The following GFRAL variants were observed in gnomAD, a reference collection of about 807,000 sequenced individuals.
GFRAL encodes the protein GDNF family receptor alpha like.
Under a neutral mutation model 45.4 loss-of-function variants are expected in GFRAL, and 36 were observed. The ratio of observed to expected loss-of-function variants is 0.79; its 90% CI spans 0.61 to 1.05. The LOEUF (loss-of-function observed/expected upper bound fraction) is 1.05. Among genes scored for constraint, GFRAL ranks in the 50% least tolerant of loss-of-function variants. The pLI, the probability that GFRAL is intolerant of heterozygous loss-of-function variation, is 0.00. For missense variants in GFRAL, 507 were observed against 467.5 expected, an observed-to-expected ratio of 1.08 and a Z score of -0.78; for synonymous variants, 166 against 154.1, an observed-to-expected ratio of 1.08 and a Z score of -0.57.
intron 6 of GFRAL, among the ~76,000 whole-genome samples, chr6:55,363,189 C>A (rs1768301336): frequency 1.3e-5 from 2 of 151,788 alleles, no homozygotes; most frequent in Admixed American, 1.3e-4. Flanking sequence ...AGAAATAATC[C>A]CATTCTCAAG....
At chr6:55,400,713 A>G (rs1251457969) in intron 8 of GFRAL, among the ~76,000 whole-genome samples, 1 of 152,142 alleles carries the variant, frequency 6.6e-6, no homozygotes, top group African/African-American at 2.4e-5. Context: ...GTTCTAAGAT[A>G]TGGGTTGAAA....
chr6:55,336,293 C>T lies in GFRAL; in HGVS notation c.316+2349C>T, dbSNP rs184789849. Among the ~76,000 whole-genome samples, 536 of 152,284 alleles carry T rather than the reference C, an allele frequency of 3.5e-3. 6 individuals carry two copies. Among genetic ancestry groups the T allele is most frequent in the African/African-American group, 0.012 (516 of 41,550 alleles). On this transcript the variant is annotated intron_variant, in intron 3 of 8. Transcript: ENST00000340465. ...TTTAGAATCAGCTTGTCAATGTCTG[C>T]AAAGAATCCTGCTGACATTTTGACT...
chr6:55,356,426 T>C (rs931490452), intron 5 of GFRAL, among the ~76,000 whole-genome samples: 1 of 151,998 alleles, frequency 6.6e-6, no homozygotes, highest in African/African-American at 2.4e-5. Flanking sequence ...TTCTTTATAG[T>C]TCAATCTTGG....
intron 2 of GFRAL, among the ~76,000 whole-genome samples, chr6:55,332,513 G>A (rs1173280439): frequency 1.3e-5 from 2 of 151,742 alleles, no homozygotes; most frequent in Admixed American, 6.6e-5. Flanking sequence ...TCCGCCTCCC[G>A]GGTTCAAACG....
chr6:55,377,672 C>T (rs187576508), intron 6 of GFRAL, among the ~76,000 whole-genome samples: 7 of 152,116 alleles, frequency 4.6e-5, no homozygotes, highest in Middle Eastern at 6.8e-3. Context: ...TGGTGAGTGG[C>T]TTGCCAGTCT....
intron 6 of GFRAL, among the ~76,000 whole-genome samples, chr6:55,376,992 C>T (rs899695627): frequency 1.3e-5 from 2 of 151,848 alleles, no homozygotes; most frequent in Non-Finnish European, 2.9e-5. Flanking sequence ...CTAATCTTTG[C>T]TTGACAACCA....
At chr6:55,369,788 T>A in intron 6 of GFRAL, among the ~76,000 whole-genome samples, 1 of 152,228 alleles carries the variant, frequency 6.6e-6, no homozygotes, top group Non-Finnish European at 1.5e-5. Context: ...GAACATCTTT[T>A]CAGTGACTTG....
At chr6:55,398,587 T>C (rs1581763348) in intron 6 of GFRAL, among the ~76,000 whole-genome samples, 1 of 152,328 alleles carries the variant, frequency 6.6e-6, no homozygotes, top group Admixed American at 6.5e-5. Flanking sequence ...TTTTATGAAC[T>C]GGTCACTCTA....
chr6:55,390,071 T>C (rs1768728024), intron 6 of GFRAL, among the ~76,000 whole-genome samples: 2 of 152,220 alleles, frequency 1.3e-5, no homozygotes, highest in Non-Finnish European at 2.9e-5. Context: ...GCCTTCCTAT[T>C]TCCAAGGTGG....
chr6:55,362,964 AG>A (rs1161062209), intron 6 of GFRAL, among the ~76,000 whole-genome samples: 1 of 148,560 alleles, frequency 6.7e-6, no homozygotes, highest in Non-Finnish European at 1.5e-5. Flanking sequence ...GAGGAGGAGA[AG>A]GGGGAGGAGG....
chr6:55,363,659 T>A (rs1013403060), intron 6 of GFRAL, among the ~76,000 whole-genome samples: 16 of 144,058 alleles, frequency 1.1e-4, no homozygotes, highest in Admixed American at 4.3e-4. Context: ...CACTGTTCAA[T>A]TCCCACCTAT....
chr6:55,391,741 TAAA>T (rs1163555919), intron 6 of GFRAL, among the ~76,000 whole-genome samples: 1 of 152,074 alleles, frequency 6.6e-6, no homozygotes, highest in Admixed American at 6.5e-5. Flanking sequence ...CTTATCTCAA[TAAA>T]AAAGGATAAA....
At chr6:55,373,741 T>C (rs1439070473) in intron 6 of GFRAL, among the ~76,000 whole-genome samples, 2 of 146,516 alleles carry the variant, frequency 1.4e-5, no homozygotes, top group Admixed American at 1.3e-4. Flanking sequence ...TCCTTTGTTT[T>C]CTTCAACTTT....
chr6:55,373,435 T>C (rs1215871450), intron 6 of GFRAL, among the ~76,000 whole-genome samples: 1 of 152,188 alleles, frequency 6.6e-6, no homozygotes, highest in African/African-American at 2.4e-5. Flanking sequence ...AGCAGACTGG[T>C]GGCTCCTTTG....
intron 6 of GFRAL, among the ~76,000 whole-genome samples, chr6:55,384,199 C>T (rs1248348318): frequency 6.6e-6 from 1 of 151,770 alleles, no homozygotes; most frequent in Non-Finnish European, 1.5e-5. Flanking sequence ...TGCAGCAAAC[C>T]ACCATGGCAC....
rs1768112865 is a variant in GFRAL at position 55,351,299 on chromosome 6, A to G, written c.417A>G (p.Val139=). The G allele has an allele frequency of 6.2e-7, 1 of 1,611,468 alleles. No homozygotes were observed. The highest frequency in any genetic ancestry group is 8.5e-7 in the Non-Finnish European group (1 of 1,178,212). The part of the protein sequence containing the change: ...WSCLEVAEAC[V]GDVVCNAQLA... ...GTTTGGAAGTGGCAGAGGCATGTGT[A>G]GGGGATGTGGTCTGTAATGCACAGT... Residue 139 remains valine, a synonymous_variant, in exon 5 of 9, where the codon GTA becomes GTG. Transcript: ENST00000340465.
rs148425052 is a variant in GFRAL, at chr6:55,371,427, C to CT, written c.952+12297dup. ...TTGTTTCTTTTGTTCAATGCTCATGCTTTTTTTTAATCCTCCCCACCACTT... is the reference window on the plus strand; with the variant it reads ...TTGTTTCTTTTGTTCAATGCTCATGCTTTTTTTTTAATCCTCCCCACCACTT... On this transcript the variant is annotated intron_variant, in intron 6 of 8. Coordinates refer to ENST00000340465, the MANE Select transcript of GFRAL (RefSeq NM_207410.2). Among the ~76,000 whole-genome samples the CT allele has an allele frequency of 6.2e-4, 94 of 151,976 alleles. 2 individuals carry two copies. In the East Asian group the frequency reaches 0.018, roughly 28 times the overall value.
At chr6:55,375,887 A>G (rs1401999366) in intron 6 of GFRAL, among the ~76,000 whole-genome samples, 1 of 152,102 alleles carries the variant, frequency 6.6e-6, no homozygotes, top group African/African-American at 2.4e-5. Flanking sequence ...AGAAATTCCA[A>G]TAGTATGTTG....
Position 55,398,442 on chromosome 6 carries a change from C to T in GFRAL, c.953-738C>T, listed in dbSNP as rs114629393. 4.0e-3 allele frequency among the ~76,000 whole-genome samples: 605 copies of T among 152,234 alleles called. 5 individuals carry two copies. Among genetic ancestry groups the T allele is most frequent in the African/African-American group, 0.013 (557 of 41,534 alleles). On this transcript the variant is annotated intron_variant, in intron 6 of 8. Coordinates refer to ENST00000340465, the MANE Select transcript of GFRAL (RefSeq NM_207410.2). ...TATTTGTGTACAATTACTCAAAACT[C>T]GGAGTGATTTCACTTTAAAGTTATT...
Sources: gnomAD v4.1 joint callset for allele counts (sites outside exome capture counted in the v4.1 genomes callset) on GRCh38, gnomAD v4.1.1 for gene constraint, MANE v1.5 for transcripts, NCBI Gene and HGNC (gene_info 2026-07-23, HGNC 2026-07-21) for gene names.